Variants in HECW1 observed in about 807,000 individuals in gnomAD.
The protein encoded by HECW1 is HECT, C2 and WW domain containing E3 ubiquitin protein ligase 1.
Under a neutral mutation model 182.3 loss-of-function variants are expected in HECW1, and 61 were observed. The ratio of observed to expected loss-of-function variants is 0.33; its 90% confidence interval spans 0.27 to 0.41. HECW1 has a LOEUF of 0.41. Ranked by LOEUF, HECW1 falls within the 10% of genes least tolerant of loss-of-function variation. The pLI, the probability that HECW1 is intolerant of heterozygous loss-of-function variation, is 1.00. For missense variants in HECW1, 1,739 were observed against 2,108.9 expected (o/e 0.82, Z 3.44); for synonymous variants, 859 against 832.6 (o/e 1.03, Z -0.55).
chr7:43,258,357 TA>T (rs1433149656), intron 3 of HECW1, among the ~76,000 whole-genome samples: 1 of 122,792 alleles, frequency 8.1e-6, no homozygotes, highest in African/African-American at 3.7e-5. Context: ...AAATAAAAAA[TA>T]AAAAAAATAA....
At chr7:43,160,389 A>G (rs1472356562) in intron 2 of HECW1, among the ~76,000 whole-genome samples, 2 of 152,180 alleles carry the variant, frequency 1.3e-5, no homozygotes, top group African/African-American at 2.4e-5. Context: ...GGTTAGAAAA[A>G]TGAGAGCTGC....
chr7:43,252,243 C>T (rs188856484), intron 3 of HECW1, among the ~76,000 whole-genome samples: 6 of 152,272 alleles, frequency 3.9e-5, no homozygotes, highest in Non-Finnish European at 8.8e-5. Flanking sequence ...CAGTAGCTCA[C>T]CTCTGAGCAT....
intron 6 of HECW1, among the ~76,000 whole-genome samples, chr7:43,363,987 A>G (rs1040798264): frequency 1.3e-5 from 2 of 152,216 alleles, no homozygotes; most frequent in Non-Finnish European, 2.9e-5. Flanking sequence ...CTAAGGGGAA[A>G]TGCTGTGAGG....
At chr7:43,206,939 C>A (rs1795531418) in intron 2 of HECW1, among the ~76,000 whole-genome samples, 1 of 152,164 alleles carries the variant, frequency 6.6e-6, no homozygotes, top group Non-Finnish European at 1.5e-5. Flanking sequence ...TCTAGGATAG[C>A]CGTTGTATTT....
chr7:43,447,635 C>A (rs915830137), intron 11 of HECW1, among the ~76,000 whole-genome samples: 1 of 152,190 alleles, frequency 6.6e-6, no homozygotes. Flanking sequence ...AGCAGTGAGT[C>A]CCCAGGCTAA....
At position 43,399,464 on chromosome 7, in the gene HECW1, A is replaced by C. The variant is rs571205497; in HGVS notation, c.631+2575A>C. Among the ~76,000 whole-genome samples the C allele has an allele frequency of 2.6e-4, 39 of 152,372 alleles. No individual in the cohort carries two copies. The South Asian group carries it at 6.4e-3, about 25-fold the overall frequency. On this transcript the variant is annotated intron_variant, in intron 7 of 29. Coordinates refer to ENST00000395891, the MANE Select transcript of HECW1 (RefSeq NM_015052.5). ...ACCTTCAAAAACAGTAGAAACCAGGAATACTGCACAACTATGTGCCAGAAA... is the reference window on the plus strand; with the variant it reads ...ACCTTCAAAAACAGTAGAAACCAGGCATACTGCACAACTATGTGCCAGAAA...
At chr7:43,366,514 T>G (rs920850153) in intron 6 of HECW1, among the ~76,000 whole-genome samples, 1 of 152,246 alleles carries the variant, frequency 6.6e-6, no homozygotes, top group South Asian at 2.1e-4. Flanking sequence ...ACCAAGTTAG[T>G]AGCATTAGTA....
At position 43,243,376 on chromosome 7, in the gene HECW1, G is replaced by C. The variant is rs146918613; in HGVS notation, c.-31-499G>C. Among the ~76,000 whole-genome samples, 1 of 152,310 alleles carries C rather than the reference G, an allele frequency of 6.6e-6. No homozygotes were observed. Among genetic ancestry groups the C allele is most frequent in the African/African-American group, 2.4e-5 (1 of 41,572 alleles). ...CAAGTGGAAGGGGATGGCACTTCTT[G>C]AGTCTTTCCCATCTGAGTAAATGCC... On this transcript the variant is annotated intron_variant, in intron 2 of 29. Coordinates refer to ENST00000395891, the MANE Select transcript of HECW1 (RefSeq NM_015052.5). The surrounding 1 kb of genome is among the most constrained non-coding windows in gnomAD (Gnocchi z 4.0).
chr7:43,446,484 A>C (rs918590394), intron 11 of HECW1, among the ~76,000 whole-genome samples: 2 of 152,172 alleles, frequency 1.3e-5, no homozygotes, highest in African/African-American at 4.8e-5. Context: ...AGCCTCTGCT[A>C]TTTTGCTGTT....
intron 24 of HECW1, among the ~76,000 whole-genome samples, chr7:43,512,759 T>C (rs936132127): frequency 6.6e-6 from 1 of 152,170 alleles, no homozygotes; most frequent in African/African-American, 2.4e-5. Flanking sequence ...TATATGAATG[T>C]TTCAACACAG....
rs2082260615 is a variant in HECW1, at chr7:43,563,440, A to G, written c.*1514A>G. ...GAAAAAGAAGAGCTCAAGAGACCCC[A>G]CTATTTAAATGTCATTTAATTGTTT... On this transcript the variant is annotated 3_prime_UTR_variant, in exon 30 of 30. Coordinates refer to ENST00000395891, the MANE Select transcript of HECW1 (RefSeq NM_015052.5). The G allele has an allele frequency of 5.0e-6, 1 of 198,820 alleles. No individual in the cohort carries two copies. Among genetic ancestry groups the G allele is most frequent in the Non-Finnish European group, 1.0e-5 (1 of 96,194 alleles). The allele number at this position is 198,820 out of a possible 1,614,324, so 12.3% of individuals were successfully genotyped here.
intron 8 of HECW1, among the ~76,000 whole-genome samples, chr7:43,410,145 G>A (rs906582494): frequency 2.6e-5 from 4 of 152,072 alleles, no homozygotes; most frequent in African/African-American, 9.7e-5. Flanking sequence ...GGCCAAAAAA[G>A]CCTTCTCCTT....
chr7:43,306,428 G>A (rs1278029413), intron 3 of HECW1, among the ~76,000 whole-genome samples: 5 of 151,578 alleles, frequency 3.3e-5, no homozygotes, highest in Non-Finnish European at 7.4e-5. Flanking sequence ...TAACAAAGCC[G>A]AGTGTAGGAT....
chr7:43,426,870 C>G (rs1172665316), intron 8 of HECW1, among the ~76,000 whole-genome samples: 1 of 151,462 alleles, frequency 6.6e-6, no homozygotes, highest in Non-Finnish European at 1.5e-5. Context: ...TATTTATTTT[C>G]AGAATGTTTT....
At chr7:43,266,418 C>T (rs1801806169) in intron 3 of HECW1, among the ~76,000 whole-genome samples, 2 of 152,180 alleles carry the variant, frequency 1.3e-5, no homozygotes, top group South Asian at 4.1e-4. Flanking sequence ...TCACTGCGTC[C>T]TCCGCCTCCC....
chr7:43,450,702 A>G (rs1475032408), intron 11 of HECW1, 126 bp from the exon 12 acceptor site: 4 of 652,732 alleles, frequency 6.1e-6, no homozygotes, highest in Non-Finnish European at 1.1e-5. Flanking sequence ...ACTGACACAC[A>G]CACACAAATG....
At chr7:43,219,063 T>C (rs1193839843) in intron 2 of HECW1, among the ~76,000 whole-genome samples, 1 of 152,076 alleles carries the variant, frequency 6.6e-6, no homozygotes, top group African/African-American at 2.4e-5. Flanking sequence ...GCCATGTCAT[T>C]CATGTAGCCT....
At chr7:43,236,693 A>G (rs1042471315) in intron 2 of HECW1, among the ~76,000 whole-genome samples, 4 of 152,194 alleles carry the variant, frequency 2.6e-5, no homozygotes, top group African/African-American at 9.7e-5. Context: ...GGGCAGAGGA[A>G]GCAATCAAAT....
chr7:43,476,083 C>T (rs1425674606), intron 16 of HECW1, among the ~76,000 whole-genome samples: 2 of 152,074 alleles, frequency 1.3e-5, no homozygotes, highest in African/African-American at 4.8e-5. Flanking sequence ...AATAGAAGAG[C>T]CCTCCTAAAG....
Sources: gnomAD v4.1 joint callset for allele counts (sites outside exome capture counted in the v4.1 genomes callset) on GRCh38, gnomAD v4.1.1 for gene constraint, Gnocchi (gnomAD v3.1) non-coding constraint, MANE v1.5 for transcripts, NCBI Gene and HGNC (gene_info 2026-07-23, HGNC 2026-07-21) for gene names.